The following EAPP variants were observed in gnomAD, a reference collection of about 807,000 sequenced individuals.
EAPP encodes E2F associated phosphoprotein.
A neutral mutation model predicts 34.3 loss-of-function variants in EAPP; 38 were observed. The ratio of observed to expected loss-of-function variants is 1.11; its 90% CI spans 0.85 to 1.45. EAPP has a LOEUF of 1.45. Among genes scored for constraint, EAPP ranks in the 40% most tolerant of loss-of-function variants. EAPP has a pLI of 0.00. For missense variants in EAPP, 338 were observed against 343.7 expected, an observed-to-expected ratio of 0.98 and a Z score of 0.13; for synonymous variants, 113 against 117.6, an observed-to-expected ratio of 0.96 and a Z score of 0.25.
intron 2 of EAPP, among the ~76,000 whole-genome samples, chr14:34,534,858 G>A (rs1023474975): frequency 8.3e-6 from 1 of 120,230 alleles, no homozygotes; most frequent in Non-Finnish European, 1.7e-5. Context: ...TTTTTTTTTT[G>A]AGACGGAGTC....
rs1555319967 is a variant in EAPP, at chr14:34,524,673, G to GTGTGTGTGTGTGTT, written c.581+23_581+24insAACACACACACACA. On this transcript the variant is annotated intron_variant, in intron 5 of 5. Transcript: ENST00000250454. ...AAAATATGTATGTGTGTGTGTGTGT[G>GTGTGTGTGTGTGTT]TGTGTGTGTCCTTCATCCATTACCT... is the stretch of plus-strand genomic sequence containing the variant. 6 of 1,200,744 alleles carry GTGTGTGTGTGTGTT rather than the reference G, an allele frequency of 5.0e-6. 1 individual carries two copies. The highest frequency in any genetic ancestry group is 7.5e-6 in the Non-Finnish European group (6 of 801,088). 74.4% of individuals were successfully genotyped at this position (1,200,744 alleles called of 1,614,324 possible). A position where few individuals can be genotyped will look rare whatever the true frequency, so the allele number is the denominator to read the frequency against.
At chr14:34,517,673 A>G (rs1320435516) in intron 5 of EAPP, among the ~76,000 whole-genome samples, 1 of 151,350 alleles carries the variant, frequency 6.6e-6, no homozygotes, top group Non-Finnish European at 1.5e-5. Context: ...TCAACTTTTA[A>G]TTTCATTAAT....
At chr14:34,518,611 G>A (rs1566444335) in intron 5 of EAPP, among the ~76,000 whole-genome samples, 1 of 152,074 alleles carries the variant, frequency 6.6e-6, no homozygotes, top group South Asian at 2.1e-4. Context: ...GATTACAGGC[G>A]TGAGCCACTG....
intron 5 of EAPP, among the ~76,000 whole-genome samples, chr14:34,519,153 T>C (rs1879832009): frequency 6.6e-6 from 1 of 152,110 alleles, no homozygotes; most frequent in Non-Finnish European, 1.5e-5. Context: ...TTTGATTGTT[T>C]AAAAGTATGT....
In EAPP at chr14:34,539,641, C is replaced by A. The variant is rs1481807358; in HGVS notation, c.-13G>T. On this transcript the variant is annotated 5_prime_UTR_variant, in exon 1 of 6. Coordinates refer to ENST00000250454, the MANE Select transcript of EAPP (RefSeq NM_018453.4). Reference sequence around the variant, plus strand: ...GAAGCCGGTTCATGGTGGCCTGCAGCGGCCTACACCGTCCACAAGCAATTT... The same window carrying A: ...GAAGCCGGTTCATGGTGGCCTGCAGAGGCCTACACCGTCCACAAGCAATTT... 6.5e-7 allele frequency: 1 copy of A among 1,535,172 alleles called. No homozygotes were observed. Among genetic ancestry groups the A allele is most frequent in the Non-Finnish European group, 8.8e-7 (1 of 1,141,378 alleles).
intron 2 of EAPP, among the ~76,000 whole-genome samples, chr14:34,534,325 G>C (rs1315282046): frequency 1.3e-5 from 2 of 151,926 alleles, no homozygotes; most frequent in Non-Finnish European, 2.9e-5. Context: ...GTAGAGACAG[G>C]GTTTCACCAT....
rs2138879443 is a variant in EAPP at position 34,516,260 on chromosome 14, C to T, written c.*50G>A. On this transcript the variant is annotated 3_prime_UTR_variant, in exon 6 of 6. Transcript: ENST00000250454. ...AACAGGCAAGAGGAAAGTAACTGTCCATATTTGCCTTATATACAGTATTGG... is the reference window on the plus strand; with the variant it reads ...AACAGGCAAGAGGAAAGTAACTGTCTATATTTGCCTTATATACAGTATTGG... 2 of 1,505,004 alleles carry T rather than the reference C, an allele frequency of 1.3e-6. No individual in the cohort carries two copies. The highest frequency in any genetic ancestry group is 1.8e-6 in the Non-Finnish European group (2 of 1,115,744). The allele number at this position is 1,505,004 out of a possible 1,614,324, so 93.2% of individuals were successfully genotyped here. A position where few individuals can be genotyped will look rare whatever the true frequency, so the allele number is the denominator to read the frequency against.
chr14:34,521,289 T>C (rs543810466), intron 5 of EAPP, among the ~76,000 whole-genome samples: 1 of 152,072 alleles, frequency 6.6e-6, no homozygotes, highest in East Asian at 1.9e-4. Context: ...CAGGCTGGTC[T>C]CGAACTGCTG....
intron 5 of EAPP, among the ~76,000 whole-genome samples, chr14:34,522,114 A>G (rs966584568): frequency 3.9e-5 from 6 of 152,006 alleles, no homozygotes; most frequent in Non-Finnish European, 7.4e-5. Flanking sequence ...GTATGCCAAG[A>G]CACCAACTAA....
chr14:34,537,254 T>C, intron 1 of EAPP, among the ~76,000 whole-genome samples: 1 of 152,206 alleles, frequency 6.6e-6, no homozygotes, highest in East Asian at 1.9e-4. Context: ...CAAGTGATTC[T>C]CCTGCCTTGG....
intron 4 of EAPP, among the ~76,000 whole-genome samples, chr14:34,526,837 A>T (rs1880112554): frequency 6.6e-6 from 1 of 151,612 alleles, no homozygotes; most frequent in South Asian, 2.1e-4. Context: ...GCATCAGTGC[A>T]CTACAGTCTG....
intron 3 of EAPP, among the ~76,000 whole-genome samples, chr14:34,532,516 T>C (rs558190683): frequency 1.3e-5 from 2 of 151,570 alleles, no homozygotes; most frequent in African/African-American, 2.4e-5. Flanking sequence ...TTTTCAGGCA[T>C]GAAAACAAAT....
chr14:34,524,653 A>ACGTATGTGTGTGTG lies in EAPP; in HGVS notation c.581+43_581+44insCACACACACATACG. ...AGTCTGTTTCTAATTTAAACAAAAT[A>ACGTATGTGTGTGTG]TGTATGTGTGTGTGTGTGTGTGTGT... On this transcript the variant is annotated intron_variant, in intron 5 of 5. Transcript: ENST00000250454. The ACGTATGTGTGTGTG allele has an allele frequency of 6.9e-6, 6 of 874,604 alleles. No homozygotes were observed. The South Asian group carries it at 9.1e-5, about 13-fold the overall frequency. The allele number at this position is 874,604 out of a possible 1,614,324, so 54.2% of individuals were successfully genotyped here.
At chr14:34,539,414 T>C (rs1301924641) in intron 1 of EAPP, 141 bp downstream of exon 1, 1 of 919,900 alleles carries the variant, frequency 1.1e-6, no homozygotes, top group Admixed American at 2.0e-5. Flanking sequence ...AGGAAAGCCC[T>C]TTGGCTTCGC....
intron 4 of EAPP, 143 bp from the exon 5 acceptor site, chr14:34,524,950 A>G: frequency 1.6e-6 from 1 of 624,268 alleles, no homozygotes; most frequent in African/African-American, 1.9e-5. Flanking sequence ...AACCTGGAGC[A>G]TCTTTTAGTG....
At chr14:34,534,441 T>C (rs1880398823) in intron 2 of EAPP, among the ~76,000 whole-genome samples, 1 of 152,182 alleles carries the variant, frequency 6.6e-6, no homozygotes, top group Admixed American at 6.6e-5. Flanking sequence ...AGAAGAGTCC[T>C]ACTTTCACAA....
At chr14:34,534,840 A>T (rs1282709857) in intron 2 of EAPP, among the ~76,000 whole-genome samples, 1 of 140,998 alleles carries the variant, frequency 7.1e-6, no homozygotes, top group Non-Finnish European at 1.6e-5. Flanking sequence ...GTCTCCACAA[A>T]TTTTTTTTTT....
intron 3 of EAPP, among the ~76,000 whole-genome samples, chr14:34,529,939 C>G (rs1208569359): frequency 2.0e-5 from 3 of 152,146 alleles, no homozygotes; most frequent in Non-Finnish European, 4.4e-5. Context: ...CTGCTTGAAC[C>G]CAGGAGGCAG....
rs2138229982 is a variant in EAPP, at chr14:34,539,686, T to C, written c.-58A>G. 2 of 1,473,018 alleles carry C rather than the reference T, an allele frequency of 1.4e-6. No homozygotes were observed. The highest frequency in any genetic ancestry group is 2.3e-5 in the Admixed American group (1 of 43,330). 91.2% of individuals were successfully genotyped at this position (1,473,018 alleles called of 1,614,324 possible). On this transcript the variant is annotated 5_prime_UTR_variant, in exon 1 of 6. Coordinates refer to ENST00000250454, the MANE Select transcript of EAPP (RefSeq NM_018453.4). Reference sequence around the variant, plus strand: ...CAATTTGCAGCGTCTCTGTTTACACTGCAAGTCCAGTCCCTAAAGCGCCCC... The same window carrying C: ...CAATTTGCAGCGTCTCTGTTTACACCGCAAGTCCAGTCCCTAAAGCGCCCC...
Sources: gnomAD v4.1 joint callset for allele counts (sites outside exome capture counted in the v4.1 genomes callset) on GRCh38, gnomAD v4.1.1 for gene constraint, MANE v1.5 for transcripts, NCBI Gene and HGNC (gene_info 2026-07-23, HGNC 2026-07-21) for gene names.